GRM8: variants seen among roughly 807,000 people sequenced by gnomAD.
The protein encoded by GRM8 is glutamate metabotropic receptor 8.
A neutral mutation model predicts 87.2 loss-of-function variants in GRM8; 47 were observed. The observed-to-expected ratio is 0.54, with a 90% CI of 0.43 to 0.69. The LOEUF (loss-of-function observed/expected upper bound fraction) is 0.69, where lower values mean the gene tolerates loss of function less well. Among genes scored for constraint, GRM8 ranks in the 30% least tolerant of loss-of-function variants. The pLI is 0.00. For synonymous variants in GRM8, 396 were observed against 404.5 expected (o/e 0.98, Z 0.25); for missense variants, 1,019 against 1,139.2 (o/e 0.89, Z 1.52).
chr7:127,164,495 ACAATT>A (rs1250975603), intron 2 of GRM8, among the ~76,000 whole-genome samples: 2 of 152,180 alleles, frequency 1.3e-5, no homozygotes, highest in Non-Finnish European at 2.9e-5. Flanking sequence ...AATTAGGAAA[ACAATT>A]CAATCTGACT....
intron 2 of GRM8, among the ~76,000 whole-genome samples, chr7:127,132,302 C>A (rs1827732198): frequency 6.6e-6 from 1 of 152,254 alleles, no homozygotes; most frequent in African/African-American, 2.4e-5. Flanking sequence ...TCGCTTGCTG[C>A]TACTCATCCC....
chr7:127,020,320 TGG>T (rs1381713645), intron 3 of GRM8, among the ~76,000 whole-genome samples: 1 of 152,064 alleles, frequency 6.6e-6, no homozygotes, highest in Non-Finnish European at 1.5e-5. Flanking sequence ...AGGTTGCACT[TGG>T]GGGTAGTGCT....
intron 2 of GRM8, among the ~76,000 whole-genome samples, chr7:127,230,276 C>G (rs904563309): frequency 1.1e-4 from 16 of 152,126 alleles, no homozygotes; most frequent in African/African-American, 3.6e-4. Flanking sequence ...CAACCTTCCC[C>G]ATTTTTAATC....
chr7:126,893,298 T>C (rs1048867719), intron 6 of GRM8, among the ~76,000 whole-genome samples: 2 of 152,022 alleles, frequency 1.3e-5, no homozygotes, highest in African/African-American at 4.8e-5. Context: ...ATTTGACTGA[T>C]TTTATAGGAC....
intron 6 of GRM8, among the ~76,000 whole-genome samples, chr7:126,884,751 A>C (rs1042308810): frequency 2.0e-5 from 3 of 152,192 alleles, no homozygotes; most frequent in Admixed American, 2.0e-4. Flanking sequence ...AAAGATAAGC[A>C]AAAAGATATG....
At chr7:126,448,038 T>C (rs1802211798) in intron 9 of GRM8, among the ~76,000 whole-genome samples, 1 of 152,002 alleles carries the variant, frequency 6.6e-6, no homozygotes, top group Non-Finnish European at 1.5e-5. Flanking sequence ...TAAACATTCC[T>C]AAGCTTCCTA....
intron 9 of GRM8, among the ~76,000 whole-genome samples, chr7:126,524,023 C>T (rs1223775198): frequency 6.6e-6 from 1 of 152,080 alleles, no homozygotes; most frequent in Non-Finnish European, 1.5e-5. Flanking sequence ...TTATTCCCTT[C>T]AGATTCATTC....
intron 7 of GRM8, among the ~76,000 whole-genome samples, chr7:126,714,168 C>T (rs1442447301): frequency 2.0e-5 from 3 of 150,874 alleles, no homozygotes; most frequent in Non-Finnish European, 2.9e-5. Flanking sequence ...GTTCCAGCTA[C>T]TTGGGAGGCT....
intron 2 of GRM8, among the ~76,000 whole-genome samples, chr7:127,107,304 A>G (rs770622518): frequency 3.9e-5 from 6 of 152,246 alleles, no homozygotes; most frequent in Non-Finnish European, 8.8e-5. Context: ...GCCAGCAGCC[A>G]CATATCCTCT....
chr7:126,537,954 A>G (rs1258570340), intron 8 of GRM8, among the ~76,000 whole-genome samples: 5 of 152,190 alleles, frequency 3.3e-5, no homozygotes, highest in Admixed American at 3.3e-4. Flanking sequence ...ATATTTTTAA[A>G]ATTTGCCTTC....
rs772807303 is a variant in GRM8 at position 127,078,284 on chromosome 7, T to G, written c.727+28212A>C. ...TCCTCCATCTGTGCTTTCATGACAC[T>G]TTTTACACACCACCGTCCTACCATC... On this transcript the variant is annotated intron_variant, in intron 3 of 10. Coordinates refer to ENST00000339582, the MANE Select transcript of GRM8 (RefSeq NM_000845.3). Among the ~76,000 whole-genome samples the G allele has an allele frequency of 4.9e-4, 75 of 152,204 alleles. 1 individual carries two copies. The highest frequency in any genetic ancestry group is 2.1e-4 in the South Asian group (1 of 4,830).
At chr7:126,854,017 C>T (rs1797460294) in intron 6 of GRM8, among the ~76,000 whole-genome samples, 1 of 152,094 alleles carries the variant, frequency 6.6e-6, no homozygotes, top group Non-Finnish European at 1.5e-5. Context: ...GGTATGTGAA[C>T]ATCAGGGTAG....
intron 8 of GRM8, 70 bp from the exon 9 acceptor site, chr7:126,533,957 G>C: frequency 8.8e-7 from 1 of 1,131,578 alleles, no homozygotes; most frequent in Non-Finnish European, 1.3e-6. Context: ...CTAGCCACGG[G>C]TTTGTAATGA....
intron 3 of GRM8, among the ~76,000 whole-genome samples, chr7:127,098,600 T>C (rs1483123452): frequency 6.6e-6 from 1 of 152,196 alleles, no homozygotes; most frequent in Non-Finnish European, 1.5e-5. Context: ...TATCAAACTT[T>C]TTGGCAACTG....
At chr7:126,919,053 C>A (rs761998824) in intron 3 of GRM8, among the ~76,000 whole-genome samples, 2 of 151,960 alleles carry the variant, frequency 1.3e-5, no homozygotes, top group Non-Finnish European at 1.5e-5. Context: ...ATGTAAATAT[C>A]TACAAGTGAA....
At chr7:127,251,280 C>G (rs1798851388) in intron 1 of GRM8, 1 of 152,164 alleles carries the variant, frequency 6.6e-6, no homozygotes, top group African/African-American at 2.4e-5. Context: ...CTGGGTGACT[C>G]GCGTGTCCCT....
intron 6 of GRM8, chr7:126,869,585 T>G (rs568938220): frequency 5.5e-4 from 84 of 152,294 alleles, no homozygotes; most frequent in African/African-American, 2.0e-3. Flanking sequence ...AAAACAGCAT[T>G]AATCACTTTG....
At chr7:126,616,784 GA>G (rs1206673893) in intron 7 of GRM8, among the ~76,000 whole-genome samples, 1 of 152,050 alleles carries the variant, frequency 6.6e-6, no homozygotes, top group Non-Finnish European at 1.5e-5. Flanking sequence ...AGAAGAAATG[GA>G]AAAATTCCTC....
intron 9 of GRM8, among the ~76,000 whole-genome samples, chr7:126,460,411 A>G (rs1803765880): frequency 6.6e-6 from 1 of 151,570 alleles, no homozygotes; most frequent in African/African-American, 2.4e-5. Context: ...GGAAAAGACA[A>G]AATCATTTCA....
Sources: allele counts gnomAD v4.1 joint callset (sites outside exome capture counted in the v4.1 genomes callset), GRCh38; gene constraint gnomAD v4.1.1; transcripts MANE v1.5; gene names NCBI Gene and HGNC (gene_info 2026-07-23, HGNC 2026-07-21).